The following DEUP1 variants were observed in gnomAD, a reference collection of about 807,000 sequenced individuals.
DEUP1 encodes the protein coiled-coil domain containing 67.
DEUP1 carries 82 observed loss-of-function variants against 87.4 expected under a neutral mutation model. The observed-to-expected ratio is 0.94, with a 90% CI of 0.78 to 1.13. The LOEUF is 1.13. Among genes scored for constraint, DEUP1 ranks in the 50% most tolerant of loss-of-function variants. The pLI, the probability that DEUP1 is intolerant of heterozygous loss-of-function variation, is 0.00. For synonymous variants in DEUP1, 214 were observed against 222.7 expected (o/e 0.96, Z 0.35); for missense variants, 663 against 681.5 (o/e 0.97, Z 0.30).
In DEUP1 at chr11:93,369,800, G is replaced by A. The variant is rs1460618464; in HGVS notation, c.433-273G>A. Among the ~76,000 whole-genome samples the A allele has an allele frequency of 1.8e-4, 8 of 43,748 alleles. 4 individuals are homozygous for A. The highest frequency in any genetic ancestry group is 3.4e-4 in the Non-Finnish European group (8 of 23,412). The allele number at this position is 43,748 out of a possible 152,430, so 28.7% of individuals were successfully genotyped here. The stretch of plus-strand genomic sequence containing the variant: ...CAAAAAATTAGCCGGGCGAGGTGGC[G>A]GGCGCCTGTAGTCCCAGCTTCTCGG... On this transcript the variant is annotated intron_variant, in intron 5 of 13. Coordinates refer to ENST00000298050, the MANE Select transcript of DEUP1 (RefSeq NM_181645.4).
chr11:93,391,915 G>A (rs1403015569), intron 9 of DEUP1, among the ~76,000 whole-genome samples: 1 of 152,086 alleles, frequency 6.6e-6, no homozygotes, highest in Non-Finnish European at 1.5e-5. Context: ...TTGTGCTCGT[G>A]TCTCTTAGTT....
chr11:93,418,229 T>C (rs996755857), intron 13 of DEUP1, among the ~76,000 whole-genome samples: 2 of 151,982 alleles, frequency 1.3e-5, no homozygotes, highest in African/African-American at 4.8e-5. Context: ...GAAACTACCA[T>C]CAGAGCGAAC....
At chr11:93,349,145 G>A (rs1222421922) in intron 2 of DEUP1, among the ~76,000 whole-genome samples, 1 of 151,992 alleles carries the variant, frequency 6.6e-6, no homozygotes, top group Non-Finnish European at 1.5e-5. Context: ...CTATTCACAG[G>A]CAATTGCTCT....
intron 13 of DEUP1, among the ~76,000 whole-genome samples, chr11:93,431,159 A>T (rs1289014474): frequency 6.6e-6 from 1 of 152,116 alleles, no homozygotes; most frequent in East Asian, 1.9e-4. Context: ...TGTGATGAAA[A>T]GAAAAGCAGG....
chr11:93,393,050 T>TCTC (rs1004829445), intron 9 of DEUP1, among the ~76,000 whole-genome samples: 3 of 142,306 alleles, frequency 2.1e-5, no homozygotes, highest in Admixed American at 1.4e-4. Context: ...TCTACTTCTT[T>TCTC]CTCCTCCTCC....
chr11:93,437,673 T>C lies in DEUP1; in HGVS notation c.1769T>C (p.Phe590Ser). Reference sequence around the variant, plus strand: ...GATGAACTGCAAAGACACACAGAATTTACTCTTAATAAATACTCCAAGCTA... The same window carrying C: ...GATGAACTGCAAAGACACACAGAATCTACTCTTAATAAATACTCCAAGCTA... ...HIDELQRHTE[F>S]TLNKYSKLKQ... Residue 590 changes from phenylalanine (F) to serine (S), a missense_variant, in exon 14 of 14, where the codon TTT (phenylalanine) becomes TCT (serine). Physicochemically the swap from Phe to Ser is radical, Grantham distance 155. Coordinates refer to ENST00000298050, the MANE Select transcript of DEUP1 (RefSeq NM_181645.4). 1 of 1,609,680 alleles carries C rather than the reference T, an allele frequency of 6.2e-7. No individual in the cohort carries two copies. The highest frequency in any genetic ancestry group is 8.5e-7 in the Non-Finnish European group (1 of 1,176,246).
intron 7 of DEUP1, among the ~76,000 whole-genome samples, chr11:93,380,333 T>TTAC (rs56325920): frequency 2.0e-5 from 3 of 151,374 alleles, no homozygotes; most frequent in Admixed American, 1.3e-4. Context: ...GTGACTCACA[T>TTAC]ATTTTTAGTG....
At chr11:93,334,657 A>C (rs1943659763) in intron 2 of DEUP1, among the ~76,000 whole-genome samples, 1 of 152,210 alleles carries the variant, frequency 6.6e-6, no homozygotes, top group Non-Finnish European at 1.5e-5. Flanking sequence ...GAGCTTTCCC[A>C]CAGAACATTT....
intron 2 of DEUP1, chr11:93,352,491 A>G: frequency 7.5e-6 from 5 of 667,854 alleles, no homozygotes; most frequent in Non-Finnish European, 1.4e-5. Context: ...AAACTCAATA[A>G]ACCCTCCTGG....
At chr11:93,380,769 AT>A (rs1202831835) in intron 7 of DEUP1, among the ~76,000 whole-genome samples, 3 of 151,818 alleles carry the variant, frequency 2.0e-5, no homozygotes, top group Admixed American at 1.3e-4. Context: ...TACCAATATT[AT>A]TTTTTTACAA....
At chr11:93,357,111 T>C (rs1175241903) in intron 4 of DEUP1, 68 bp downstream of exon 4, 2 of 954,258 alleles carry the variant, frequency 2.1e-6, no homozygotes, top group East Asian at 5.4e-5. Flanking sequence ...TAGAGTTGTG[T>C]TAACTTTAAA....
intron 11 of DEUP1, among the ~76,000 whole-genome samples, chr11:93,407,519 T>TA (rs1373869076): frequency 1.3e-5 from 2 of 152,148 alleles, no homozygotes; most frequent in African/African-American, 4.8e-5. Context: ...ATTATATTGA[T>TA]ACTTTATGTT....
intron 11 of DEUP1, among the ~76,000 whole-genome samples, chr11:93,399,223 T>C (rs949247539): frequency 3.8e-4 from 57 of 151,988 alleles, no homozygotes; most frequent in African/African-American, 1.2e-3. Flanking sequence ...CAGTTTTTTT[T>C]CAAAGATTAT....
At chr11:93,435,297 C>T (rs1591284216) in intron 13 of DEUP1, among the ~76,000 whole-genome samples, 1 of 152,124 alleles carries the variant, frequency 6.6e-6, no homozygotes, top group South Asian at 2.1e-4. Flanking sequence ...GCAGGTCAGA[C>T]ATTCAACAGC....
chr11:93,361,114 G>C (rs1203747858), intron 4 of DEUP1, among the ~76,000 whole-genome samples: 1 of 152,096 alleles, frequency 6.6e-6, no homozygotes, highest in Non-Finnish European at 1.5e-5. Context: ...TTTCTCTCTG[G>C]AAACGATGGA....
chr11:93,427,156 C>T (rs1463213610), intron 13 of DEUP1, among the ~76,000 whole-genome samples: 2 of 150,144 alleles, frequency 1.3e-5, no homozygotes. Flanking sequence ...AAAAAGAGCC[C>T]ACATCGCCAA....
chr11:93,418,227 C>A (rs553803586), intron 13 of DEUP1, among the ~76,000 whole-genome samples: 3 of 152,120 alleles, frequency 2.0e-5, no homozygotes, highest in East Asian at 1.9e-4. Context: ...AAGAAACTAC[C>A]ATCAGAGCGA....
intron 13 of DEUP1, among the ~76,000 whole-genome samples, chr11:93,417,818 G>A (rs543551859): frequency 1.1e-3 from 167 of 152,098 alleles, no homozygotes; most frequent in African/African-American, 3.6e-3. Context: ...GCATGGTACT[G>A]GTACCAAAAC....
chr11:93,415,393 G>T (rs1159244343), intron 13 of DEUP1, among the ~76,000 whole-genome samples: 1 of 152,066 alleles, frequency 6.6e-6, no homozygotes, highest in Non-Finnish European at 1.5e-5. Context: ...GCGAGTGCTT[G>T]GGACTCACCC....
Sources: gnomAD v4.1 joint callset for allele counts (sites outside exome capture counted in the v4.1 genomes callset) on GRCh38, gnomAD v4.1.1 for gene constraint, MANE v1.5 for transcripts, NCBI Gene and HGNC (gene_info 2026-07-23, HGNC 2026-07-21) for gene names.